HERC4: variants seen among roughly 807,000 people sequenced by gnomAD.
HERC4 encodes the protein probable E3 ubiquitin-protein ligase HERC4.
Under a neutral mutation model 124.3 loss-of-function variants are expected in HERC4, and 28 were observed. The ratio of observed to expected loss-of-function variants is 0.23; its 90% CI spans 0.17 to 0.31. The LOEUF (loss-of-function observed/expected upper bound fraction) is 0.31, where lower values mean the gene tolerates loss of function less well. Among genes scored for constraint, HERC4 ranks in the 10% least tolerant of loss-of-function variants. HERC4 has a pLI of 1.00. For synonymous variants in HERC4, 407 were observed against 421.5 expected, an observed-to-expected ratio of 0.97 and a Z score of 0.42; for missense variants, 713 against 1,229.3, an observed-to-expected ratio of 0.58 and a Z score of 6.28.
At chr10:67,938,842 G>A (rs1008970200) in intron 21 of HERC4, among the ~76,000 whole-genome samples, 5 of 152,112 alleles carry the variant, frequency 3.3e-5, no homozygotes, top group African/African-American at 1.2e-4. Flanking sequence ...TACTCAGGAG[G>A]CTGAGGCAGG....
At chr10:68,017,073 G>C (rs188822704) in intron 8 of HERC4, among the ~76,000 whole-genome samples, 2 of 151,942 alleles carry the variant, frequency 1.3e-5, no homozygotes. Context: ...TTAACTTTAG[G>C]TTTGGCCATA....
intron 9 of HERC4, among the ~76,000 whole-genome samples, chr10:68,009,520 T>G (rs1332797509): frequency 6.6e-6 from 1 of 152,218 alleles, no homozygotes; most frequent in African/African-American, 2.4e-5. Context: ...TAACGATCAA[T>G]TGAGGCTTTG....
intron 7 of HERC4, among the ~76,000 whole-genome samples, chr10:68,028,684 G>A (rs2039031869): frequency 6.6e-6 from 1 of 152,206 alleles, no homozygotes; most frequent in Admixed American, 6.5e-5. Flanking sequence ...GCATATTCTT[G>A]GAGAAAAATA....
intron 9 of HERC4, among the ~76,000 whole-genome samples, chr10:68,001,418 CAGAT>C (rs1302560202): frequency 2.0e-5 from 3 of 151,778 alleles, no homozygotes; most frequent in Non-Finnish European, 2.9e-5. Flanking sequence ...ACTGGCCACA[CAGAT>C]AGTTTATGAT....
At position 68,023,863 on chromosome 10, in the gene HERC4, T is replaced by C. The variant is rs10997910; in HGVS notation, c.908+1683A>G. Among the ~76,000 whole-genome samples, 4,033 of 152,306 alleles carry C rather than the reference T, an allele frequency of 0.026. 394 individuals carry two copies. The East Asian group carries it at 0.31, about 12-fold the overall frequency. The stretch of plus-strand genomic sequence containing the variant: ...GACCTCCATGTAAAAGGCAACACTA[T>C]GTTTTTGAAGATAACAGAGATGATT... On this transcript the variant is annotated intron_variant, in intron 8 of 24. Coordinates refer to ENST00000373700, the MANE Select transcript of HERC4 (RefSeq NM_015601.4).
rs1004146815 is a variant in HERC4, at chr10:68,032,960, T to G, written c.686-91A>C. 7 of 693,836 alleles carry G rather than the reference T, an allele frequency of 1.0e-5. No individual in the cohort carries two copies. The African/African-American group carries it at 1.3e-4, about 12-fold the overall frequency. The allele number at this position is 693,836 out of a possible 1,614,324, so 43.0% of individuals were successfully genotyped here. A position where few individuals can be genotyped will look rare whatever the true frequency, so the allele number is the denominator to read the frequency against. ...TCTACAGCTTGCCAAGCTCAGTAGA[T>G]AGTTGTGACTAAATAATTTTAACTA... On this transcript the variant is annotated intron_variant, in intron 6 of 24. Transcript: ENST00000373700.
At chr10:67,956,012 C>T (rs915088217) in intron 17 of HERC4, 1 of 152,146 alleles carries the variant, frequency 6.6e-6, no homozygotes, top group Non-Finnish European at 1.5e-5. Flanking sequence ...AAAAAATTGG[C>T]TTACTAGCTG....
Position 67,991,170 on chromosome 10 carries a change from C to A in HERC4, c.1301G>T (p.Gly434Val). 1.3e-6 allele frequency: 2 copies of A among 1,539,650 alleles called. No individual in the cohort carries two copies. The highest frequency in any genetic ancestry group is 1.8e-6 in the Non-Finnish European group (2 of 1,142,684). ...AGCTAAAAAACTTCCATTTAGGCAA[C>A]CAGAGGAAGAAAACGTTCCATCTAT... is the stretch of plus-strand genomic sequence containing the variant. ...NEIDGTFSSS[G>V]CLNGSFLAVS... The change falls in exon 12 of 25, where the codon GGT (glycine) becomes GTT (valine). Residue 434 changes from glycine to valine, a missense_variant. Gly to Val is a moderately radical substitution (Grantham distance 109). Transcript: ENST00000373700.
intron 22 of HERC4, among the ~76,000 whole-genome samples, 185 bp from the exon 23 acceptor site, chr10:67,932,965 A>G (rs547798892): frequency 1.3e-3 from 198 of 152,344 alleles, no homozygotes; most frequent in African/African-American, 4.6e-3. Context: ...TATTCTTTCT[A>G]TATAAAAATC....
intron 16 of HERC4, chr10:67,960,665 C>T: frequency 6.1e-6 from 1 of 162,680 alleles, no homozygotes; most frequent in South Asian, 1.7e-4. Flanking sequence ...TTACAGGCGT[C>T]AGCCACCGCA....
In HERC4 at chr10:68,073,203, A is replaced by C; in HGVS notation, c.-78-17T>G. The C allele has an allele frequency of 3.4e-6, 3 of 883,018 alleles. No individual in the cohort carries two copies. Among genetic ancestry groups the C allele is most frequent in the Non-Finnish European group, 5.3e-6 (3 of 568,122 alleles). The allele number at this position is 883,018 out of a possible 1,614,324, so 54.7% of individuals were successfully genotyped here. ...ACCCTATGTCTGAGGAAATAGAAAG[A>C]AGTTAATATGACTTCAAAGAAAAAA... On this transcript the variant is annotated splice_polypyrimidine_tract_variant and intron_variant, in intron 2 of 24. Coordinates refer to ENST00000373700, the MANE Select transcript of HERC4 (RefSeq NM_015601.4).
intron 3 of HERC4, among the ~76,000 whole-genome samples, chr10:68,055,665 T>G (rs2040511506): frequency 6.6e-6 from 1 of 152,204 alleles, no homozygotes; most frequent in Non-Finnish European, 1.5e-5. Context: ...ACCACTGTCC[T>G]TTTGTTAATA....
intron 17 of HERC4, 118 bp from the exon 18 acceptor site, chr10:67,955,248 T>G: frequency 2.4e-6 from 2 of 817,302 alleles, no homozygotes; most frequent in South Asian, 1.6e-5. Context: ...GCTACTGAAT[T>G]AACATAGCAC....
rs12240313 is a variant in HERC4 at position 68,037,941 on chromosome 10, C to G, written c.463+152G>C. ...GTGTGTATGTGTGTGTACAGACTGA[C>G]AAGCTAATTCTAAAAGTTATATGGA... On this transcript the variant is annotated intron_variant, in intron 5 of 24. Transcript: ENST00000373700. 1.5e-3 allele frequency: 864 copies of G among 560,216 alleles called. 6 individuals are homozygous for G. Among genetic ancestry groups the G allele is most frequent in the African/African-American group, 0.015 (761 of 50,320 alleles). The allele number at this position is 560,216 out of a possible 1,614,324, so 34.7% of individuals were successfully genotyped here.
At chr10:67,950,263 T>C (rs1017350451) in intron 19 of HERC4, among the ~76,000 whole-genome samples, 4 of 151,940 alleles carry the variant, frequency 2.6e-5, no homozygotes, top group Non-Finnish European at 5.9e-5. Context: ...GAAGACTCCA[T>C]GGATACATAC....
intron 8 of HERC4, among the ~76,000 whole-genome samples, chr10:68,018,341 A>T (rs1016522766): frequency 5.9e-5 from 9 of 151,906 alleles, no homozygotes; most frequent in South Asian, 2.1e-4. Flanking sequence ...CATTCACAAT[A>T]AAAAAAACTA....
chr10:67,990,456 G>C, intron 13 of HERC4, 56 bp from the exon 14 acceptor site: 2 of 615,312 alleles, frequency 3.3e-6, no homozygotes, highest in Non-Finnish European at 4.6e-6. Context: ...CACTTTCAAA[G>C]AAAAAAAAAA....
chr10:68,057,222 T>G (rs900005262), intron 3 of HERC4, among the ~76,000 whole-genome samples: 3 of 152,148 alleles, frequency 2.0e-5, no homozygotes, highest in African/African-American at 7.2e-5. Flanking sequence ...CAAAATATTA[T>G]TCAGATTGGT....
chr10:67,994,279 C>T (rs914917652), intron 9 of HERC4: 3 of 152,114 alleles, frequency 2.0e-5, no homozygotes, highest in African/African-American at 7.2e-5. Context: ...AAAGATTTAG[C>T]AGGATGTTAT....
Sources: allele counts gnomAD v4.1 joint callset (sites outside exome capture counted in the v4.1 genomes callset), GRCh38; gene constraint gnomAD v4.1.1; transcripts MANE v1.5; gene names NCBI Gene and HGNC (gene_info 2026-07-23, HGNC 2026-07-21).